The following GRIN2B variants were observed in gnomAD, a reference collection of about 807,000 sequenced individuals.
GRIN2B encodes the protein glutamate ionotropic receptor NMDA type subunit 2B.
GRIN2B carries 5 observed loss-of-function variants against 114.5 expected under a neutral mutation model. The observed-to-expected ratio is 0.04, with a 90% confidence interval of 0.02 to 0.09. The LOEUF (loss-of-function observed/expected upper bound fraction) is 0.09. Among genes scored for constraint, GRIN2B ranks in the 10% least tolerant of loss-of-function variants. The probability of loss-of-function intolerance (pLI) is 1.00; values close to 1 mark genes in which losing one functional copy is unlikely to be tolerated. For missense variants in GRIN2B, 1,108 were observed against 1,943.5 expected, an observed-to-expected ratio of 0.57 and a Z score of 8.08; for synonymous variants, 787 against 745.1, an observed-to-expected ratio of 1.06 and a Z score of -0.92.
At chr12:13,569,271 C>T (rs1948677635) in intron 12 of GRIN2B, among the ~76,000 whole-genome samples, 1 of 152,100 alleles carries the variant, frequency 6.6e-6, no homozygotes, top group Admixed American at 6.5e-5. Flanking sequence ...ACCCCCAATA[C>T]CTTGGGATGT....
chr12:13,949,719 A>G (rs1044997981), intron 2 of GRIN2B, among the ~76,000 whole-genome samples: 2 of 152,200 alleles, frequency 1.3e-5, no homozygotes, highest in African/African-American at 4.8e-5. Flanking sequence ...CCACGATGCC[A>G]AGAAGTTGCA....
intron 2 of GRIN2B, among the ~76,000 whole-genome samples, chr12:13,906,393 A>C (rs548235808): frequency 6.6e-6 from 1 of 152,182 alleles, no homozygotes; most frequent in Non-Finnish European, 1.5e-5. Flanking sequence ...ATCTCCTCTC[A>C]TATCCTTATT....
At chr12:13,716,545 G>T (rs754286910) in intron 4 of GRIN2B, among the ~76,000 whole-genome samples, 4 of 151,868 alleles carry the variant, frequency 2.6e-5, no homozygotes, top group Non-Finnish European at 5.9e-5. Context: ...CACAGTGGAT[G>T]ATGGCAAGTG....
At chr12:13,935,986 A>T (rs1464091322) in intron 2 of GRIN2B, among the ~76,000 whole-genome samples, 1 of 152,316 alleles carries the variant, frequency 6.6e-6, no homozygotes, top group East Asian at 1.9e-4. Flanking sequence ...GAGTCAAAGC[A>T]TAACACAGTG....
rs199872486 is a variant in GRIN2B, at chr12:13,562,722, C to T, written c.*61G>A. 2.6e-5 allele frequency: 35 copies of T among 1,323,762 alleles called. 1 individual carries two copies. In the Middle Eastern group the frequency reaches 6.0e-4, roughly 23 times the overall value. 82.0% of individuals were successfully genotyped at this position (1,323,762 alleles called of 1,614,324 possible). ...CACCCCCGTCACCCTCCGTGACATG[C>T]GCATCACGCGACCCACAGCCTTACC... On this transcript the variant is annotated 3_prime_UTR_variant, in exon 14 of 14. Coordinates refer to ENST00000609686, the MANE Select transcript of GRIN2B (RefSeq NM_000834.5).
chr12:13,957,962 G>A (rs1867620580), intron 2 of GRIN2B, among the ~76,000 whole-genome samples: 1 of 152,168 alleles, frequency 6.6e-6, no homozygotes, highest in South Asian at 2.1e-4. Flanking sequence ...TATGACTGTT[G>A]GCACTTAAAT....
At chr12:13,915,016 A>C (rs762506792) in intron 2 of GRIN2B, among the ~76,000 whole-genome samples, 3 of 152,222 alleles carry the variant, frequency 2.0e-5, no homozygotes, top group Admixed American at 2.0e-4. Context: ...AGTTAGCAAT[A>C]ATCTATTGTA....
chr12:13,571,776 G>C (rs763696604), intron 11 of GRIN2B, 28 bp downstream of exon 11: 3 of 1,611,884 alleles, frequency 1.9e-6, no homozygotes, highest in Non-Finnish European at 2.5e-6. Context: ...AACAGATCAA[G>C]GACTCTGAGC....
intron 4 of GRIN2B, among the ~76,000 whole-genome samples, chr12:13,740,053 A>G (rs572087382): frequency 6.6e-6 from 1 of 152,300 alleles, no homozygotes; most frequent in South Asian, 2.1e-4. Flanking sequence ...TAGAGAATCA[A>G]ACTAGAATCA....
intron 2 of GRIN2B, among the ~76,000 whole-genome samples, chr12:13,879,420 T>G (rs1866037602): frequency 1.3e-5 from 2 of 152,012 alleles, no homozygotes; most frequent in South Asian, 4.2e-4. Context: ...CACATGACCG[T>G]ATAACAACAC....
In GRIN2B at chr12:13,562,642, C is replaced by T. The variant is rs199745099; in HGVS notation, c.*141G>A. The T allele has an allele frequency of 3.1e-5, 24 of 771,944 alleles. No homozygotes were observed. Among genetic ancestry groups the T allele is most frequent in the Non-Finnish European group, 5.0e-5 (22 of 443,984 alleles). 47.8% of individuals were successfully genotyped at this position (771,944 alleles called of 1,614,324 possible). A position where few individuals can be genotyped will look rare whatever the true frequency, so the allele number is the denominator to read the frequency against. ...GGGTTGCCCCCAGTAGGAACCAGAA[C>T]TCCAGGATCCCATAAATAAATTAAA... is the stretch of plus-strand genomic sequence containing the variant. On this transcript the variant is annotated 3_prime_UTR_variant, in exon 14 of 14. Transcript: ENST00000609686.
intron 10 of GRIN2B, among the ~76,000 whole-genome samples, chr12:13,579,268 C>A (rs1291213578): frequency 6.6e-6 from 1 of 152,098 alleles, no homozygotes; most frequent in Non-Finnish European, 1.5e-5. Flanking sequence ...GGGCCTGGAT[C>A]ACAAAGAAAG....
rs1407271858 is a variant in GRIN2B at position 13,560,724 on chromosome 12, T to C, written c.*2059A>G. The stretch of plus-strand genomic sequence containing the variant: ...TGAGAGGTTCAGCCCCTTGCCCCCA[T>C]GTTCATTTTAGAAAGAAAACAAAGC... On this transcript the variant is annotated 3_prime_UTR_variant, in exon 14 of 14. Transcript: ENST00000609686. The C allele has an allele frequency of 6.6e-6, 1 of 152,248 alleles. No individual in the cohort carries two copies. Among genetic ancestry groups the C allele is most frequent in the African/African-American group, 2.4e-5 (1 of 41,452 alleles). The allele number at this position is 152,248 out of a possible 1,614,324, so 9.4% of individuals were successfully genotyped here.
At chr12:13,737,672 G>A (rs1016092142) in intron 4 of GRIN2B, among the ~76,000 whole-genome samples, 8 of 152,212 alleles carry the variant, frequency 5.3e-5, no homozygotes, top group African/African-American at 1.9e-4. Flanking sequence ...ATAAATGCTA[G>A]AGAGATAGGT....
intron 2 of GRIN2B, among the ~76,000 whole-genome samples, chr12:13,866,944 T>C (rs1337221640): frequency 6.6e-6 from 1 of 152,238 alleles, no homozygotes; most frequent in Non-Finnish European, 1.5e-5. Flanking sequence ...AGAAGCTAAG[T>C]GTTCTAAGAC....
chr12:13,966,678 C>T (rs1867794405), intron 2 of GRIN2B, among the ~76,000 whole-genome samples: 1 of 152,190 alleles, frequency 6.6e-6, no homozygotes, highest in Admixed American at 6.5e-5. Context: ...CACACTGCAC[C>T]ACCCAAACTA....
Position 13,870,892 on chromosome 12 carries a change from C to T in GRIN2B, c.-18-4666G>A, listed in dbSNP as rs190126457. ...CAATGGAAGTCAAGAAGAGTATAAA[C>T]GAGTATAACCTTTTTGGAGGTCAAA... is the stretch of plus-strand genomic sequence containing the variant. On this transcript the variant is annotated intron_variant, in intron 2 of 13. Transcript: ENST00000609686. 3.3e-4 allele frequency among the ~76,000 whole-genome samples: 50 copies of T among 152,118 alleles called. No homozygotes were observed. The East Asian group carries it at 6.6e-3, about 20-fold the overall frequency.
intron 3 of GRIN2B, among the ~76,000 whole-genome samples, chr12:13,857,546 T>G (rs902734025): frequency 2.6e-5 from 4 of 152,022 alleles, no homozygotes; most frequent in African/African-American, 7.3e-5. Context: ...TGAACCAAGA[T>G]CCTAATTCTG....
chr12:13,558,511 C>CTT lies in GRIN2B; in HGVS notation c.*4270_*4271dup, dbSNP rs1442324387. ...AAAAATGAACCAAAGAAACCTAGTT[C>CTT]TTAGTGACATGTGCAGGTGACCAGC... On this transcript the variant is annotated 3_prime_UTR_variant, in exon 14 of 14. Transcript: ENST00000609686. 1 of 151,452 alleles carries CTT rather than the reference C, an allele frequency of 6.6e-6. No homozygotes were observed. Among genetic ancestry groups the CTT allele is most frequent in the African/African-American group, 2.4e-5 (1 of 41,242 alleles). 9.4% of individuals were successfully genotyped at this position (151,452 alleles called of 1,614,324 possible).
Sources: allele counts gnomAD v4.1 joint callset (sites outside exome capture counted in the v4.1 genomes callset), GRCh38; gene constraint gnomAD v4.1.1; transcripts MANE v1.5; gene names NCBI Gene and HGNC (gene_info 2026-07-23, HGNC 2026-07-21).